Variants in SLC12A1 observed in about 807,000 individuals in gnomAD.
SLC12A1 encodes the protein Na-K-2Cl cotransporter.
SLC12A1 carries 89 observed loss-of-function variants against 130.4 expected under a neutral mutation model. The ratio of observed to expected loss-of-function variants is 0.68; its 90% CI spans 0.58 to 0.81. The LOEUF (loss-of-function observed/expected upper bound fraction) is 0.81, where lower values mean the gene tolerates loss of function less well. Ranked by LOEUF, SLC12A1 falls within the 40% of genes least tolerant of loss-of-function variation. The pLI is 0.00. For synonymous variants in SLC12A1, 499 were observed against 460.0 expected, an observed-to-expected ratio of 1.08 and a Z score of -1.09; for missense variants, 1,310 against 1,336.4, an observed-to-expected ratio of 0.98 and a Z score of 0.31.
At chr15:48,259,389 A>T (rs1433195288) in intron 17 of SLC12A1, 78 bp downstream of exon 17, 2 of 952,852 alleles carry the variant, frequency 2.1e-6, no homozygotes, top group Non-Finnish European at 3.5e-6. Context: ...GAGAAAAGGT[A>T]CATGCAGTGA....
At chr15:48,234,188 GTT>G (rs2041412339) in intron 8 of SLC12A1, among the ~76,000 whole-genome samples, 1 of 152,082 alleles carries the variant, frequency 6.6e-6, no homozygotes, top group African/African-American at 2.4e-5. Context: ...TGAGAATGTA[GTT>G]GTGTGTGTGT....
At chr15:48,225,826 C>G (rs755410796) in intron 4 of SLC12A1, 20 of 819,424 alleles carry the variant, frequency 2.4e-5, no homozygotes, top group Non-Finnish European at 3.0e-5. Context: ...CCATTTAATA[C>G]CTTTATTTTT....
At chr15:48,252,074 GC>G (rs1196535403) in intron 15 of SLC12A1, among the ~76,000 whole-genome samples, 1 of 152,004 alleles carries the variant, frequency 6.6e-6, no homozygotes, top group African/African-American at 2.4e-5. Context: ...GTGGTGGCGG[GC>G]CCCTGTAATC....
chr15:48,275,940 G>C (rs1434938764), intron 20 of SLC12A1, among the ~76,000 whole-genome samples: 1 of 152,142 alleles, frequency 6.6e-6, no homozygotes, highest in Non-Finnish European at 1.5e-5. Flanking sequence ...CATGGACTCA[G>C]GACTAGAATG....
chr15:48,219,790 C>G (rs1010737334), intron 2 of SLC12A1, among the ~76,000 whole-genome samples: 2 of 151,912 alleles, frequency 1.3e-5, no homozygotes, highest in Admixed American at 1.3e-4. Context: ...CGGTGGCTCA[C>G]ACCTCTAATC....
intron 24 of SLC12A1, among the ~76,000 whole-genome samples, chr15:48,297,123 T>A (rs2141126711): frequency 6.6e-6 from 1 of 152,206 alleles, no homozygotes; most frequent in East Asian, 1.9e-4. Context: ...TCAGTCTCCC[T>A]ACTTTACTTT....
chr15:48,227,022 G>A, intron 5 of SLC12A1: 1 of 1,119,732 alleles, frequency 8.9e-7, no homozygotes, highest in South Asian at 1.4e-5. Context: ...GCCTCCTGAA[G>A]TACTGGTGAC....
At chr15:48,269,573 T>G in intron 18 of SLC12A1, 85 bp from the exon 19 acceptor site, 8 of 673,244 alleles carry the variant, frequency 1.2e-5, no homozygotes, top group Non-Finnish European at 2.1e-5. Flanking sequence ...ATTACTTCAG[T>G]GCTCCTTTAG....
intron 18 of SLC12A1, among the ~76,000 whole-genome samples, chr15:48,267,997 C>T (rs572014839): frequency 5.9e-5 from 9 of 152,256 alleles, no homozygotes; most frequent in Admixed American, 2.0e-4. Context: ...TGGTGGTTGA[C>T]GACATTCAGG....
chr15:48,230,399 G>A lies in SLC12A1; in HGVS notation c.871G>A (p.Asp291Asn). Residue 291 changes from aspartate (D) to asparagine (N), a missense_variant, in exon 7 of 27, where the codon GAT becomes AAT. Transcript: ENST00000380993. Reference protein sequence around the residue: ...ETVVDLLKESDSMMVDPTNDI... With the variant: ...ETVVDLLKESNSMMVDPTNDI... Reference sequence around the variant, plus strand: ...TAATAATTTGTTTCCCCAGGAGAGTGATTCGATGATGGTGGATCCAACCAA... The same window carrying A: ...TAATAATTTGTTTCCCCAGGAGAGTAATTCGATGATGGTGGATCCAACCAA... 6.2e-7 allele frequency: 1 copy of A among 1,606,842 alleles called. No individual in the cohort carries two copies. The highest frequency in any genetic ancestry group is 8.5e-7 in the Non-Finnish European group (1 of 1,174,870).
chr15:48,220,872 T>G (rs1478653675), intron 3 of SLC12A1, 49 bp from the exon 4 acceptor site: 1 of 1,611,432 alleles, frequency 6.2e-7, no homozygotes, highest in Non-Finnish European at 8.5e-7. Context: ...CCGGGTTTTG[T>G]CCCACTATCG....
intron 7 of SLC12A1, among the ~76,000 whole-genome samples, chr15:48,232,157 A>C (rs762644045): frequency 6.6e-6 from 1 of 152,250 alleles, no homozygotes; most frequent in Non-Finnish European, 1.5e-5. Flanking sequence ...AGGAAACAGC[A>C]TATGGCAACA....
intron 15 of SLC12A1, among the ~76,000 whole-genome samples, chr15:48,253,441 G>A (rs187761864): frequency 6.6e-6 from 1 of 152,164 alleles, no homozygotes; most frequent in Non-Finnish European, 1.5e-5. Context: ...AAACATACAC[G>A]ATATAGCCTT....
chr15:48,292,350 G>C (rs1393665292), intron 24 of SLC12A1, among the ~76,000 whole-genome samples: 1 of 152,128 alleles, frequency 6.6e-6, no homozygotes, highest in African/African-American at 2.4e-5. Context: ...AACAGGGAAG[G>C]CCTATGAATT....
chr15:48,289,180 A>C (rs1212222719), intron 23 of SLC12A1, among the ~76,000 whole-genome samples: 1 of 151,540 alleles, frequency 6.6e-6, no homozygotes, highest in Non-Finnish European at 1.5e-5. Context: ...TGAGAATAAT[A>C]AGCATGCTGA....
intron 4 of SLC12A1, chr15:48,224,711 C>T (rs2141024299): frequency 6.6e-6 from 1 of 152,106 alleles, no homozygotes; most frequent in South Asian, 2.1e-4. Context: ...AATTTATGTC[C>T]CGTTTTTAGG....
intron 17 of SLC12A1, among the ~76,000 whole-genome samples, chr15:48,260,348 T>A (rs1410687455): frequency 2.8e-5 from 4 of 144,442 alleles, no homozygotes; most frequent in African/African-American, 7.7e-5. Context: ...TCTCTCTCTA[T>A]CACACACACA....
At chr15:48,298,322 T>C (rs2042198863) in intron 24 of SLC12A1, among the ~76,000 whole-genome samples, 1 of 152,254 alleles carries the variant, frequency 6.6e-6, no homozygotes, top group African/African-American at 2.4e-5. Flanking sequence ...TTTTACTTTG[T>C]GTCATTGTTT....
chr15:48,286,609 C>T (rs984988856), intron 21 of SLC12A1, among the ~76,000 whole-genome samples: 1 of 152,112 alleles, frequency 6.6e-6, no homozygotes, highest in Non-Finnish European at 1.5e-5. Context: ...ATTATGACAG[C>T]GGGACTTGTT....
Sources: allele counts gnomAD v4.1 joint callset (sites outside exome capture counted in the v4.1 genomes callset), GRCh38; gene constraint gnomAD v4.1.1; transcripts MANE v1.5; gene names NCBI Gene and HGNC (gene_info 2026-07-23, HGNC 2026-07-21).